NXPE4: variants seen among roughly 807,000 people sequenced by gnomAD.
NXPE4 encodes the protein neurexophilin and PC-esterase domain family member 4, also known as NXPE family member 4.
A neutral mutation model predicts 33.3 loss-of-function variants in NXPE4; 42 were observed. The observed-to-expected ratio is 1.26, with a 90% confidence interval of 0.98 to 1.63. The LOEUF (loss-of-function observed/expected upper bound fraction) is 1.63. Ranked by LOEUF, NXPE4 falls within the 40% of genes most tolerant of loss-of-function variation. The probability of loss-of-function intolerance (pLI) is 0.00; values close to 1 mark genes in which losing one functional copy is unlikely to be tolerated. For synonymous variants in NXPE4, 253 were observed against 234.9 expected (o/e 1.08, Z -0.71); for missense variants, 709 against 647.6 (o/e 1.09, Z -1.03).
intron 5 of NXPE4, among the ~76,000 whole-genome samples, chr11:114,572,087 A>G (rs977677660): frequency 6.6e-6 from 1 of 152,140 alleles, no homozygotes; most frequent in Non-Finnish European, 1.5e-5. Context: ...GATTCTTTGC[A>G]GACACTCTCC....
chr11:114,580,462 T>G (rs1517701), intron 4 of NXPE4, 124 bp from the exon 5 acceptor site: 22,609 of 738,098 alleles, frequency 0.031, 456 homozygotes, highest in Middle Eastern at 0.066. Flanking sequence ...GTGGAAAAAG[T>G]ATTACTGAAG....
the NXPE4 span, among the ~76,000 whole-genome samples, chr11:114,632,550 ATATT>A: frequency 2.5e-5 from 3 of 117,686 alleles, no homozygotes; most frequent in African/African-American, 9.8e-5. Flanking sequence ...ATATATGTAT[ATATT>A]TGTTATATAT....
chr11:114,617,859 T>C, the NXPE4 span, among the ~76,000 whole-genome samples: 1 of 152,078 alleles, frequency 6.6e-6, no homozygotes, highest in African/African-American at 2.4e-5. Flanking sequence ...ATAATAAGTA[T>C]TGCCTCATGG....
chr11:114,641,950 G>T, the NXPE4 span, among the ~76,000 whole-genome samples: 2 of 151,860 alleles, frequency 1.3e-5, no homozygotes, highest in Admixed American at 1.3e-4. Context: ...TTGACACAGA[G>T]GACATATTTT....
Position 114,580,010 on chromosome 11 carries a change from T to C in NXPE4, c.1099+122A>G, listed in dbSNP as rs578128403. 1.3e-5 allele frequency: 10 copies of C among 793,910 alleles called. No homozygotes were observed. The African/African-American group carries it at 1.5e-4, about 12-fold the overall frequency. 49.2% of individuals were successfully genotyped at this position (793,910 alleles called of 1,614,324 possible). Reference sequence around the variant, plus strand: ...AGGATAACAATGCCTTGTGAAAAATTTTGGTGTGTTGTGATTGAAGAATAT... The same window carrying C: ...AGGATAACAATGCCTTGTGAAAAATCTTGGTGTGTTGTGATTGAAGAATAT... On this transcript the variant is annotated intron_variant, in intron 5 of 5. Coordinates refer to ENST00000375478, the MANE Select transcript of NXPE4 (RefSeq NM_001077639.2).
At chr11:114,624,009 T>C in the NXPE4 span, among the ~76,000 whole-genome samples, 1 of 152,094 alleles carries the variant, frequency 6.6e-6, no homozygotes, top group Admixed American at 6.5e-5. Flanking sequence ...ACCCGGTGGA[T>C]AATAAGTGTT....
At chr11:114,589,067 C>T (rs1345258834) in intron 2 of NXPE4, among the ~76,000 whole-genome samples, 1 of 152,044 alleles carries the variant, frequency 6.6e-6, no homozygotes, top group Non-Finnish European at 1.5e-5. Context: ...GTCTGGGATC[C>T]CTGAGGTGCA....
At chr11:114,580,000 T>G in intron 5 of NXPE4, 132 bp downstream of exon 5, 1 of 730,696 alleles carries the variant, frequency 1.4e-6, no homozygotes, top group Non-Finnish European at 2.4e-6. Context: ...AACAATGCCT[T>G]GTGAAAAATT....
At chr11:114,612,753 A>G in the NXPE4 span, among the ~76,000 whole-genome samples, 1 of 151,862 alleles carries the variant, frequency 6.6e-6, no homozygotes, top group Non-Finnish European at 1.5e-5. Flanking sequence ...GTATTTAATA[A>G]GTGTTGCCTC....
chr11:114,632,752 AT>A, the NXPE4 span, among the ~76,000 whole-genome samples: 1 of 15,698 alleles, frequency 6.4e-5, no homozygotes, highest in Non-Finnish European at 1.0e-4. Context: ...ATATATTATA[AT>A]ATATCATATA....
the NXPE4 span, among the ~76,000 whole-genome samples, chr11:114,639,854 ATATATTATATTT>A: frequency 1.5e-3 from 134 of 90,486 alleles, no homozygotes; most frequent in East Asian, 6.6e-3. Context: ...AAAATATAAT[ATATATTATATTT>A]TATATTAAAT....
the NXPE4 span, among the ~76,000 whole-genome samples, chr11:114,663,463 G>T: frequency 6.6e-6 from 1 of 152,066 alleles, no homozygotes; most frequent in Non-Finnish European, 1.5e-5. Flanking sequence ...GGACATGGTG[G>T]TGTCTAATGG....
chr11:114,632,747 T>TAA, the NXPE4 span, among the ~76,000 whole-genome samples: 1 of 18,054 alleles, frequency 5.5e-5, no homozygotes, highest in African/African-American at 2.5e-4. Flanking sequence ...ATAAAATATA[T>TAA]TATAATATAT....
the NXPE4 span, among the ~76,000 whole-genome samples, chr11:114,643,286 T>C: frequency 6.6e-6 from 1 of 152,158 alleles, no homozygotes. Context: ...CAATTTTGAC[T>C]TTTGTTGCCA....
the NXPE4 span, among the ~76,000 whole-genome samples, chr11:114,618,985 A>T: frequency 1.3e-5 from 2 of 152,050 alleles, no homozygotes; most frequent in Non-Finnish European, 2.9e-5. Context: ...TCTGGTGGAT[A>T]ATAGGTATTG....
the NXPE4 span, among the ~76,000 whole-genome samples, chr11:114,648,566 T>C: frequency 6.6e-6 from 1 of 152,184 alleles, no homozygotes; most frequent in Non-Finnish European, 1.5e-5. Context: ...GTAATGATTA[T>C]CAAATATGTA....
chr11:114,630,940 C>A, the NXPE4 span, among the ~76,000 whole-genome samples: 1 of 151,240 alleles, frequency 6.6e-6, no homozygotes, highest in Admixed American at 6.6e-5. Flanking sequence ...CCATCACTGG[C>A]CATCAGAGAA....
At chr11:114,630,497 C>T in the NXPE4 span, among the ~76,000 whole-genome samples, 1 of 151,652 alleles carries the variant, frequency 6.6e-6, no homozygotes, top group African/African-American at 2.4e-5. Context: ...TGGATCCCTT[C>T]CTTACACCTT....
At chr11:114,587,668 CAGTT>C (rs1020403559) in intron 2 of NXPE4, among the ~76,000 whole-genome samples, 22 of 152,180 alleles carry the variant, frequency 1.4e-4, no homozygotes, top group Admixed American at 5.2e-4. Context: ...GGAGGGAAAA[CAGTT>C]GGGGGGATGC....
Sources: gnomAD v4.1 joint callset for allele counts (sites outside exome capture counted in the v4.1 genomes callset) on GRCh38, gnomAD v4.1.1 for gene constraint, MANE v1.5 for transcripts, NCBI Gene and HGNC (gene_info 2026-07-23, HGNC 2026-07-21) for gene names.